Variants in RANBP2 observed in about 807,000 individuals in gnomAD.
RANBP2 encodes RAN binding protein 2, also known as E3 SUMO-protein ligase RanBP2.
In RANBP2, 57 loss-of-function variants were observed where a neutral mutation model predicts 303.6. The observed-to-expected ratio is 0.19, with a 90% CI of 0.15 to 0.23. RANBP2 has a LOEUF of 0.23. Among genes scored for constraint, RANBP2 ranks in the 10% least tolerant of loss-of-function variants. The pLI is 1.00. For missense variants in RANBP2, 3,138 were observed against 3,780.8 expected, an observed-to-expected ratio of 0.83 and a Z score of 4.46; for synonymous variants, 1,167 against 1,301.5, an observed-to-expected ratio of 0.90 and a Z score of 2.23.
At chr2:109,154,527 T>A in the RANBP2 span, among the ~76,000 whole-genome samples, 1 of 152,102 alleles carries the variant, frequency 6.6e-6, no homozygotes, top group Admixed American at 6.5e-5. Context: ...TCTTCACTGG[T>A]GAAGAAACCA....
chr2:109,018,539 G>T, the RANBP2 span, among the ~76,000 whole-genome samples: 1 of 152,174 alleles, frequency 6.6e-6, no homozygotes, highest in Non-Finnish European at 1.5e-5. Flanking sequence ...TCTTCCCTCT[G>T]CATGTAACAT....
the RANBP2 span, among the ~76,000 whole-genome samples, chr2:109,648,000 A>G: frequency 2.0e-5 from 3 of 152,184 alleles, no homozygotes; most frequent in Admixed American, 6.6e-5. Context: ...ATGTTGGAGG[A>G]GGCAGAAAAT....
chr2:109,491,311 T>C, the RANBP2 span, among the ~76,000 whole-genome samples: 1 of 152,154 alleles, frequency 6.6e-6, no homozygotes, highest in African/African-American at 2.4e-5. Flanking sequence ...CCAGTGGGCC[T>C]ATGTGTCCCA....
the RANBP2 span, among the ~76,000 whole-genome samples, chr2:109,316,943 T>C: frequency 1.3e-5 from 2 of 152,214 alleles, no homozygotes; most frequent in South Asian, 2.1e-4. Context: ...TAGTAATTCA[T>C]GTTTGAGGTT....
the RANBP2 span, among the ~76,000 whole-genome samples, chr2:108,831,668 A>C: frequency 6.7e-6 from 1 of 148,718 alleles, no homozygotes; most frequent in South Asian, 2.1e-4. Context: ...TATCCCTGGA[A>C]TCTGATTTAG....
chr2:109,374,188 G>C, the RANBP2 span, among the ~76,000 whole-genome samples: 1 of 152,158 alleles, frequency 6.6e-6, no homozygotes, highest in South Asian at 2.1e-4. Flanking sequence ...GCCCTGGACT[G>C]TCCTTCAGGC....
At chr2:109,086,356 A>G in the RANBP2 span, among the ~76,000 whole-genome samples, 1 of 152,148 alleles carries the variant, frequency 6.6e-6, no homozygotes, top group African/African-American at 2.4e-5. Context: ...GGGCCCTAAT[A>G]TTTCTCGATT....
At chr2:109,590,455 G>C in the RANBP2 span, among the ~76,000 whole-genome samples, 1 of 151,624 alleles carries the variant, frequency 6.6e-6, no homozygotes, top group Non-Finnish European at 1.5e-5. Flanking sequence ...TTTTGAGACA[G>C]AGTTTTTGCT....
the RANBP2 span, among the ~76,000 whole-genome samples, chr2:109,012,042 C>T: frequency 6.6e-6 from 1 of 152,198 alleles, no homozygotes; most frequent in Non-Finnish European, 1.5e-5. Flanking sequence ...GTTTTTGTTT[C>T]TGTGTTTCAC....
At chr2:109,682,250 C>T in the RANBP2 span, among the ~76,000 whole-genome samples, 1 of 152,146 alleles carries the variant, frequency 6.6e-6, no homozygotes, top group African/African-American at 2.4e-5. Context: ...TGGATAGAAA[C>T]ACAGGATGCC....
At chr2:109,288,199 A>G in the RANBP2 span, among the ~76,000 whole-genome samples, 1 of 152,258 alleles carries the variant, frequency 6.6e-6, no homozygotes, top group African/African-American at 2.4e-5. Context: ...GCCATTCAGA[A>G]TAGGTGCAAG....
At chr2:109,548,763 T>G in the RANBP2 span, among the ~76,000 whole-genome samples, 69,037 of 127,026 alleles carry the variant, frequency 0.54, 19,027 homozygotes, top group African/African-American at 0.72. Context: ...GCCACAGAGT[T>G]AGGCTCCATC....
chr2:109,002,516 T>A, the RANBP2 span, among the ~76,000 whole-genome samples: 1 of 152,166 alleles, frequency 6.6e-6, no homozygotes, highest in Non-Finnish European at 1.5e-5. Context: ...GGCTCCCCAC[T>A]GCCCTTGGAA....
chr2:108,852,860 T>C, the RANBP2 span, among the ~76,000 whole-genome samples: 1 of 152,120 alleles, frequency 6.6e-6, no homozygotes, highest in South Asian at 2.1e-4. Flanking sequence ...AGTGTACCTG[T>C]GTAACAAACC....
At chr2:109,316,774 G>C in the RANBP2 span, among the ~76,000 whole-genome samples, 8 of 152,232 alleles carry the variant, frequency 5.3e-5, no homozygotes, top group African/African-American at 1.9e-4. Context: ...TACTTTCCCT[G>C]CCCTTAAAAA....
chr2:109,055,317 T>A, the RANBP2 span, among the ~76,000 whole-genome samples: 2 of 152,006 alleles, frequency 1.3e-5, no homozygotes, highest in African/African-American at 4.8e-5. Flanking sequence ...TCTCTTCCAG[T>A]ATATTCCAGT....
chr2:109,678,299 C>T, the RANBP2 span, among the ~76,000 whole-genome samples: 1 of 152,266 alleles, frequency 6.6e-6, no homozygotes, highest in African/African-American at 2.4e-5. Flanking sequence ...TTGTTGTTAG[C>T]AGGTTAACCT....
the RANBP2 span, among the ~76,000 whole-genome samples, chr2:108,916,961 C>T: frequency 2.0e-5 from 3 of 152,290 alleles, no homozygotes; most frequent in South Asian, 4.1e-4. Flanking sequence ...GCCCACAGGC[C>T]ACCCAGGCCA....
the RANBP2 span, among the ~76,000 whole-genome samples, chr2:109,068,635 G>A: frequency 6.6e-6 from 1 of 152,176 alleles, no homozygotes; most frequent in South Asian, 2.1e-4. Flanking sequence ...TTTCCCCTGG[G>A]CAGTGCAACA....
Sources: allele counts gnomAD v4.1 joint callset (sites outside exome capture counted in the v4.1 genomes callset), GRCh38; gene constraint gnomAD v4.1.1; transcripts MANE v1.5; gene names NCBI Gene and HGNC (gene_info 2026-07-23, HGNC 2026-07-21).